Variants in PIK3C2G observed in about 807,000 individuals in gnomAD.
The protein encoded by PIK3C2G is phosphatidylinositol 3-kinase C2 domain-containing subunit gamma.
A neutral mutation model predicts 181.1 loss-of-function variants in PIK3C2G; 168 were observed. The observed-to-expected ratio is 0.93, with a 90% CI of 0.82 to 1.05. PIK3C2G has a LOEUF of 1.05. Ranked by LOEUF, PIK3C2G falls within the 50% of genes least tolerant of loss-of-function variation. The pLI is 0.00. For missense variants in PIK3C2G, 1,869 were observed against 1,732.8 expected (o/e 1.08, Z -1.40); for synonymous variants, 573 against 592.2 (o/e 0.97, Z 0.47).
chr12:18,511,873 A>C (rs918764572), intron 24 of PIK3C2G, among the ~76,000 whole-genome samples: 2 of 151,878 alleles, frequency 1.3e-5, no homozygotes, highest in African/African-American at 2.4e-5. Flanking sequence ...TTGGGGTCTT[A>C]TCCAAAAAAA....
At chr12:18,602,060 G>A (rs944452587) in intron 30 of PIK3C2G, among the ~76,000 whole-genome samples, 1 of 152,140 alleles carries the variant, frequency 6.6e-6, no homozygotes, top group Admixed American at 6.5e-5. Flanking sequence ...GGGAGGGCAC[G>A]AATCCGGCTT....
At chr12:18,404,645 T>G (rs910036603) in intron 16 of PIK3C2G, among the ~76,000 whole-genome samples, 1 of 152,198 alleles carries the variant, frequency 6.6e-6, no homozygotes, top group Non-Finnish European at 1.5e-5. Context: ...TGCATGGTTA[T>G]ACAGGTTCAG....
intron 1 of PIK3C2G, among the ~76,000 whole-genome samples, chr12:18,270,112 G>A (rs368637089): frequency 5.9e-5 from 9 of 151,654 alleles, no homozygotes; most frequent in Non-Finnish European, 1.2e-4. Flanking sequence ...GTTTCACCAC[G>A]TTCGTCAGGC....
chr12:18,565,075 T>A (rs972113313), intron 28 of PIK3C2G, among the ~76,000 whole-genome samples: 15 of 152,154 alleles, frequency 9.9e-5, no homozygotes, highest in African/African-American at 3.6e-4. Context: ...CAAGGAACAT[T>A]TTGTCCTATG....
At chr12:18,460,665 C>G (rs1053727582) in intron 18 of PIK3C2G, among the ~76,000 whole-genome samples, 19 of 145,524 alleles carry the variant, frequency 1.3e-4, no homozygotes, top group African/African-American at 5.0e-4. Flanking sequence ...AGCACACTGC[C>G]TAGAATAATT....
chr12:18,402,267 A>C (rs958811967), intron 16 of PIK3C2G, among the ~76,000 whole-genome samples: 1 of 152,200 alleles, frequency 6.6e-6, no homozygotes, highest in African/African-American at 2.4e-5. Flanking sequence ...GAAAGAAGCC[A>C]GTTACAGAAG....
intron 18 of PIK3C2G, among the ~76,000 whole-genome samples, chr12:18,453,418 C>T (rs1480726368): frequency 6.6e-6 from 1 of 152,024 alleles, no homozygotes. Flanking sequence ...AATATTCCTC[C>T]CTCCCTTTAT....
the PIK3C2G span, among the ~76,000 whole-genome samples, chr12:18,711,811 C>G: frequency 6.6e-6 from 1 of 151,554 alleles, no homozygotes; most frequent in Non-Finnish European, 1.5e-5. Context: ...GGTGTGAGTT[C>G]AAGAAAGAGA....
Position 18,602,368 on chromosome 12 carries a change from G to A in PIK3C2G, c.4088-7167G>A, listed in dbSNP as rs533249605. On this transcript the variant is annotated intron_variant, in intron 30 of 32. Transcript: ENST00000538779. ...CTCACGCCCACCCCCCACAGCAGTCGCAGCAAGACCAGCCCAAGGAGAGTC... is the reference window on the plus strand; with the variant it reads ...CTCACGCCCACCCCCCACAGCAGTCACAGCAAGACCAGCCCAAGGAGAGTC... 5.9e-4 allele frequency among the ~76,000 whole-genome samples: 89 copies of A among 149,962 alleles called. 1 individual carries two copies. Among genetic ancestry groups the A allele is most frequent in the Non-Finnish European group, 1.3e-4 (9 of 67,638 alleles).
chr12:18,282,940 G>A (rs1226653527), intron 2 of PIK3C2G, among the ~76,000 whole-genome samples, 181 bp downstream of exon 2: 2 of 118,650 alleles, frequency 1.7e-5, no homozygotes, highest in East Asian at 2.1e-4. Flanking sequence ...CTGAGAAAAA[G>A]GGAAATTAAA....
chr12:18,714,932 A>C, the PIK3C2G span: 1 of 151,860 alleles, frequency 6.6e-6, no homozygotes, highest in Non-Finnish European at 1.5e-5. Context: ...CCCAGCACCA[A>C]GTACTTATAT....
At chr12:18,577,131 T>C (rs985914997) in intron 29 of PIK3C2G, among the ~76,000 whole-genome samples, 1 of 152,160 alleles carries the variant, frequency 6.6e-6, no homozygotes, top group Non-Finnish European at 1.5e-5. Context: ...TAAATGTATC[T>C]GCTATGAAAT....
At chr12:18,434,490 T>C (rs991249072) in intron 18 of PIK3C2G, among the ~76,000 whole-genome samples, 4 of 152,146 alleles carry the variant, frequency 2.6e-5, no homozygotes, top group Admixed American at 1.3e-4. Context: ...AAGAGAATCA[T>C]AGCATATAAT....
chr12:18,378,323 C>G (rs913048185), intron 13 of PIK3C2G, among the ~76,000 whole-genome samples: 1 of 152,056 alleles, frequency 6.6e-6, no homozygotes, highest in South Asian at 2.1e-4. Flanking sequence ...TTCCCCCCCC[C>G]GTAACTAATG....
chr12:18,328,584 A>G (rs1194873625), intron 8 of PIK3C2G, among the ~76,000 whole-genome samples: 3 of 152,032 alleles, frequency 2.0e-5, no homozygotes, highest in Non-Finnish European at 4.4e-5. Flanking sequence ...AGATAAATGT[A>G]TAAGTCAACC....
rs575197263 is a variant in PIK3C2G, at chr12:18,476,074, T to C, written c.2505-12375T>C. ...ACGTTTTAAAAAAACTAAAACACGATTTTTAAAAAGCAAAAAATAACTGTC... is the reference window on the plus strand; with the variant it reads ...ACGTTTTAAAAAAACTAAAACACGACTTTTAAAAAGCAAAAAATAACTGTC... On this transcript the variant is annotated intron_variant, in intron 18 of 32. Coordinates refer to ENST00000538779, the MANE Select transcript of PIK3C2G (RefSeq NM_001288772.2). Among the ~76,000 whole-genome samples, 3 of 152,194 alleles carry C rather than the reference T, an allele frequency of 2.0e-5. No homozygotes were observed. In the South Asian group the frequency reaches 6.2e-4, roughly 32 times the overall value.
chr12:18,706,316 G>C, the PIK3C2G span, among the ~76,000 whole-genome samples: 101 of 151,420 alleles, frequency 6.7e-4, 1 homozygote, highest in East Asian at 0.018. Context: ...ATGAAGAAAA[G>C]CAAGTTACCA....
At chr12:18,579,551 C>T (rs1467902308) in intron 29 of PIK3C2G, among the ~76,000 whole-genome samples, 1 of 150,728 alleles carries the variant, frequency 6.6e-6, no homozygotes, top group Non-Finnish European at 1.5e-5. Flanking sequence ...CTCTGTCTGT[C>T]TCTCTCTCTC....
intron 16 of PIK3C2G, among the ~76,000 whole-genome samples, chr12:18,418,848 G>T (rs184003821): frequency 6.6e-6 from 1 of 152,274 alleles, no homozygotes; most frequent in Non-Finnish European, 1.5e-5. Context: ...ACTCCACAGG[G>T]TGTTAAAATA....
Sources: gnomAD v4.1 joint callset for allele counts (sites outside exome capture counted in the v4.1 genomes callset) on GRCh38, gnomAD v4.1.1 for gene constraint, MANE v1.5 for transcripts, NCBI Gene and HGNC (gene_info 2026-07-23, HGNC 2026-07-21) for gene names.